The following ZRANB1 variants were observed in gnomAD, a reference collection of about 807,000 sequenced individuals.
ZRANB1 encodes ubiquitin thioesterase ZRANB1.
A neutral mutation model predicts 80.5 loss-of-function variants in ZRANB1; 16 were observed. The ratio of observed to expected loss-of-function variants is 0.20; its 90% confidence interval spans 0.13 to 0.30. The LOEUF is 0.30. ZRANB1 is among the 10% of genes least tolerant of loss of function. The pLI is 1.00. For synonymous variants in ZRANB1, 291 were observed against 293.1 expected, an observed-to-expected ratio of 0.99 and a Z score of 0.07; for missense variants, 576 against 862.6, an observed-to-expected ratio of 0.67 and a Z score of 4.16.
intron 1 of ZRANB1, among the ~76,000 whole-genome samples, chr10:124,947,053 G>A (rs1951591675): frequency 6.6e-6 from 1 of 152,242 alleles, no homozygotes; most frequent in African/African-American, 2.4e-5. Context: ...AGATTCAGTT[G>A]TTGAGAGGGC....
At chr10:124,951,920 G>A (rs1022222616) in intron 1 of ZRANB1, among the ~76,000 whole-genome samples, 1 of 151,870 alleles carries the variant, frequency 6.6e-6, no homozygotes, top group Non-Finnish European at 1.5e-5. Flanking sequence ...TCATGCCACC[G>A]CACTCCAGCC....
At chr10:124,923,350 T>G in the ZRANB1 span, among the ~76,000 whole-genome samples, 26 of 151,914 alleles carry the variant, frequency 1.7e-4, no homozygotes, top group East Asian at 5.0e-3. Context: ...TCCCAGCACT[T>G]TGGGAGGCCA....
chr10:124,963,984 G>A (rs965165008), intron 1 of ZRANB1, among the ~76,000 whole-genome samples: 3 of 152,208 alleles, frequency 2.0e-5, no homozygotes, highest in Non-Finnish European at 4.4e-5. Context: ...ATTTCGTGCT[G>A]TCAAAAACTG....
chr10:124,970,094 G>A (rs1951809514), intron 2 of ZRANB1, among the ~76,000 whole-genome samples: 1 of 152,128 alleles, frequency 6.6e-6, no homozygotes, highest in South Asian at 2.1e-4. Context: ...TGTTACTTGA[G>A]AAATAGTCAA....
the ZRANB1 span, among the ~76,000 whole-genome samples, chr10:124,924,051 C>G: frequency 2.6e-5 from 4 of 151,836 alleles, no homozygotes; most frequent in East Asian, 7.7e-4. Context: ...TTTGTCAAGT[C>G]AATTTTTAAT....
the ZRANB1 span, among the ~76,000 whole-genome samples, chr10:124,919,431 C>T: frequency 6.6e-6 from 1 of 151,902 alleles, no homozygotes; most frequent in Admixed American, 6.6e-5. Context: ...CCTGTAATCC[C>T]AGCTACTCGG....
chr10:124,961,154 C>A (rs6597862), intron 1 of ZRANB1, among the ~76,000 whole-genome samples: 50,278 of 151,574 alleles, frequency 0.33, 9,628 homozygotes, highest in African/African-American at 0.53. Flanking sequence ...GGCGCACGCC[C>A]CCACGCCCGG....
the ZRANB1 span, among the ~76,000 whole-genome samples, chr10:124,931,228 C>T: frequency 2.6e-5 from 4 of 151,970 alleles, no homozygotes; most frequent in Admixed American, 2.0e-4. Context: ...GCCACCATAC[C>T]GGGCTAACTT....
At position 124,984,875 on chromosome 10, in the gene ZRANB1, G is replaced by A; in HGVS notation, c.2010G>A (p.Arg670=). 1 of 1,614,036 alleles carries A rather than the reference G, an allele frequency of 6.2e-7. No individual in the cohort carries two copies. The highest frequency in any genetic ancestry group is 1.1e-5 in the South Asian group (1 of 91,062). ...TTGCCATGCAGAAGAGTTCTCGGCGGCGAAATCACCCCCTGGTCACTCAGA... is the reference window on the plus strand; with the variant it reads ...TTGCCATGCAGAAGAGTTCTCGGCGACGAAATCACCCCCTGGTCACTCAGA... ...VLVAMQKSSR[R]RNHPLVTQMV... The change falls in exon 9 of 9, where the codon CGG becomes CGA. Residue 670 remains arginine, a synonymous_variant. Coordinates refer to ENST00000359653, the MANE Select transcript of ZRANB1 (RefSeq NM_017580.3).
chr10:124,980,178 G>A (rs1951920019), intron 5 of ZRANB1, among the ~76,000 whole-genome samples: 1 of 152,184 alleles, frequency 6.6e-6, no homozygotes, highest in Non-Finnish European at 1.5e-5. Context: ...ATGGAATTGA[G>A]TTTTGAATGT....
At chr10:124,963,868 T>C (rs905668411) in intron 1 of ZRANB1, among the ~76,000 whole-genome samples, 31 of 152,196 alleles carry the variant, frequency 2.0e-4, no homozygotes, top group African/African-American at 7.5e-4. Context: ...AAGAATGAAA[T>C]TACGTATTCC....
chr10:124,981,944 C>A, intron 6 of ZRANB1, 115 bp downstream of exon 6: 3 of 1,313,350 alleles, frequency 2.3e-6, no homozygotes, highest in Non-Finnish European at 3.2e-6. Flanking sequence ...GAATGCTTGA[C>A]GTGGTATCAT....
chr10:124,986,857 T>C lies in ZRANB1; in HGVS notation c.*1865T>C, dbSNP rs898582493. On this transcript the variant is annotated 3_prime_UTR_variant, in exon 9 of 9. Transcript: ENST00000359653. ...GAGAATTGTTAGAGGGAAAAGCATG[T>C]AGCCATTGCAGTCTGCATTGCAGCC... is the stretch of plus-strand genomic sequence containing the variant. 2.0e-5 allele frequency: 3 copies of C among 151,254 alleles called. No homozygotes were observed. Among genetic ancestry groups the C allele is most frequent in the Non-Finnish European group, 4.4e-5 (3 of 67,930 alleles). The allele number at this position is 151,254 out of a possible 1,614,324, so 9.4% of individuals were successfully genotyped here. A position where few individuals can be genotyped will look rare whatever the true frequency, so the allele number is the denominator to read the frequency against.
intron 1 of ZRANB1, among the ~76,000 whole-genome samples, chr10:124,946,629 C>CT (rs1349834236): frequency 6.6e-6 from 1 of 152,140 alleles, no homozygotes; most frequent in African/African-American, 2.4e-5. Flanking sequence ...ATAATTTTTA[C>CT]TATTAACTCT....
In ZRANB1 at chr10:124,967,590, G is replaced by T. The variant is rs138280727; in HGVS notation, c.1002+809G>T. Among the ~76,000 whole-genome samples, 874 of 152,312 alleles carry T rather than the reference G, an allele frequency of 5.7e-3. 7 individuals are homozygous for T. The highest frequency in any genetic ancestry group is 0.02 in the African/African-American group (822 of 41,560). On this transcript the variant is annotated intron_variant, in intron 2 of 8. Transcript: ENST00000359653. ...GATTGTGTTTTGGCTGCTGCACACT[G>T]GAGAGGGGTGAGCCTGGTTAGGAGG...
the ZRANB1 span, among the ~76,000 whole-genome samples, chr10:124,928,783 A>G: frequency 5.3e-5 from 8 of 152,194 alleles, no homozygotes; most frequent in East Asian, 9.6e-4. Flanking sequence ...CAGAAAATTA[A>G]AGTAGGGTGA....
At chr10:124,979,784 A>C (rs113040643) in intron 5 of ZRANB1, among the ~76,000 whole-genome samples, 24 of 152,308 alleles carry the variant, frequency 1.6e-4, no homozygotes, top group African/African-American at 5.8e-4. Flanking sequence ...AACCCTTTCT[A>C]CATTCTATTG....
intron 1 of ZRANB1, among the ~76,000 whole-genome samples, chr10:124,965,716 A>T (rs757839440): frequency 2.6e-5 from 4 of 152,222 alleles, no homozygotes; most frequent in Non-Finnish European, 4.4e-5. Context: ...ATAATTTTTT[A>T]AAAATTGTTT....
chr10:124,942,014 A>C (rs1951539951), upstream of ZRANB1: 1 of 342,870 alleles, frequency 2.9e-6, no homozygotes, highest in Non-Finnish European at 4.2e-6. Flanking sequence ...CATGAATCAT[A>C]ATCTGTGTTC....
Sources: allele counts gnomAD v4.1 joint callset (sites outside exome capture counted in the v4.1 genomes callset), GRCh38; gene constraint gnomAD v4.1.1; transcripts MANE v1.5; gene names NCBI Gene and HGNC (gene_info 2026-07-23, HGNC 2026-07-21).